The following P2RY2 variants were observed in gnomAD, a reference collection of about 807,000 sequenced individuals.
The protein encoded by P2RY2 is purinergic receptor P2Y2, also known as P2Y purinoceptor 2.
For synonymous variants in P2RY2, 241 were observed against 231.9 expected (o/e 1.04, Z -0.35); for missense variants, 567 against 515.7 (o/e 1.10, Z -0.96).
Position 73,235,509 on chromosome 11 carries a change from G to A in P2RY2, c.*216G>A, listed in dbSNP as rs769641333. 3.0e-5 allele frequency: 39 copies of A among 1,286,894 alleles called. No individual in the cohort carries two copies. The highest frequency in any genetic ancestry group is 2.7e-4 in the Admixed American group (7 of 25,942). The allele number at this position is 1,286,894 out of a possible 1,614,324, so 79.7% of individuals were successfully genotyped here. On this transcript the variant is annotated 3_prime_UTR_variant, in exon 3 of 3. Coordinates refer to ENST00000393597, the MANE Select transcript of P2RY2 (RefSeq NM_002564.4). ...GTCATCGTTTGTGTGTATAAGTTGG[G>A]GGAATTAAGTTTCAAGAAAGGCAAG...
Position 73,235,045 on chromosome 11 carries a change from AGTGCTAACAGTTGCCTTGACCCC to A in P2RY2, c.892_914del (p.Asn298LeufsTer40), listed in dbSNP as rs748154982. 1.2e-6 allele frequency: 2 copies of A among 1,608,082 alleles called. No homozygotes were observed. The highest frequency in any genetic ancestry group is 1.7e-6 in the Non-Finnish European group (2 of 1,179,950). ...CTACAAGGTTACCCGGCCGCTGGCC[AGTGCTAACAGTTGCCTTGACCCC>A]GTGCTCTACTTCCTGGCTGGGCAGA... On this transcript the variant is annotated frameshift_variant, in exon 3 of 3. Transcript: ENST00000393597. LOFTEE classifies it low-confidence loss of function (END_TRUNC).
chr11:73,229,609 A>G lies in P2RY2; in HGVS notation c.-5+1434A>G, dbSNP rs187878466. ...GGAGGGGTGAGTCTGGCCCAGGGCC[A>G]CGGCGATGGAGTCCCCAGCTGGCCT... On this transcript the variant is annotated intron_variant, in intron 2 of 2. Coordinates refer to ENST00000393597, the MANE Select transcript of P2RY2 (RefSeq NM_002564.4). 6.2e-3 allele frequency among the ~76,000 whole-genome samples: 950 copies of G among 152,166 alleles called. 7 individuals carry two copies. Among genetic ancestry groups the G allele is most frequent in the African/African-American group, 0.022 (906 of 41,518 alleles).
chr11:73,234,806 T>C lies in P2RY2; in HGVS notation c.647T>C (p.Val216Ala), dbSNP rs371526662. ...GCGGTGCCCTTTGCCGTCATCCTTG[T>C]CTGTTACGTGCTCATGGCTCGGCGA... ...LFAVPFAVILVCYVLMARRLL... is the reference protein window; with the variant it reads ...LFAVPFAVILACYVLMARRLL... Residue 216 changes from valine (V) to alanine (A), a missense_variant, in exon 3 of 3, where the codon GTC becomes GCC. Val to Ala is a moderately conservative substitution (Grantham distance 64). Coordinates refer to ENST00000393597, the MANE Select transcript of P2RY2 (RefSeq NM_002564.4). 28 of 1,611,872 alleles carry C rather than the reference T, an allele frequency of 1.7e-5. No individual in the cohort carries two copies. Among genetic ancestry groups the C allele is most frequent in the Non-Finnish European group, 2.3e-5 (27 of 1,179,988 alleles).
Position 73,229,644 on chromosome 11 carries a change from G to A in P2RY2, c.-5+1469G>A, listed in dbSNP as rs193159228. ...AGTCCCCAGCTGGCCTGGGAGGGTG[G>A]GGGCCAGGGTGTCTTAAAACAGGCG... is the stretch of plus-strand genomic sequence containing the variant. On this transcript the variant is annotated intron_variant, in intron 2 of 2. Transcript: ENST00000393597. 4.0e-4 allele frequency among the ~76,000 whole-genome samples: 61 copies of A among 152,212 alleles called. No homozygotes were observed. The East Asian group carries it at 0.011, about 28-fold the overall frequency.
rs747426827 is a variant in P2RY2, at chr11:73,234,939, A to T, written c.780A>T (p.Pro260=). 1 of 1,611,052 alleles carries T rather than the reference A, an allele frequency of 6.2e-7. No homozygotes were observed. Among genetic ancestry groups the T allele is most frequent in the Admixed American group, 1.7e-5 (1 of 60,032 alleles). Residue 260 remains proline (P), a synonymous_variant, in exon 3 of 3, where the codon CCA becomes CCT. Coordinates refer to ENST00000393597, the MANE Select transcript of P2RY2 (RefSeq NM_002564.4). ...CTGTCTTCGCCCTCTGCTTCCTGCC[A>T]TTCCACGTCACCCGCACCCTCTACT... The part of the protein sequence containing the change: ...VLAVFALCFL[P]FHVTRTLYYS...
intron 1 of P2RY2, among the ~76,000 whole-genome samples, chr11:73,219,186 C>T (rs752636496): frequency 2.0e-5 from 3 of 152,184 alleles, no homozygotes; most frequent in Non-Finnish European, 4.4e-5. Context: ...GCATGGCATC[C>T]CCAGCTTCCC....
chr11:73,234,363 C>T lies in P2RY2; in HGVS notation c.204C>T (p.Ser68=). ...FLCRLKTWNA[S]TTYMFHLAVS... ...GCCGCCTCAAGACCTGGAATGCGTCCACCACATATATGTTCCACCTGGCTG... is the reference window on the plus strand; with the variant it reads ...GCCGCCTCAAGACCTGGAATGCGTCTACCACATATATGTTCCACCTGGCTG... The change falls in exon 3 of 3, where the codon TCC becomes TCT. Residue 68 remains serine (S), a synonymous_variant. Coordinates refer to ENST00000393597, the MANE Select transcript of P2RY2 (RefSeq NM_002564.4). 2 of 1,614,226 alleles carry T rather than the reference C, an allele frequency of 1.2e-6. No homozygotes were observed. The highest frequency in any genetic ancestry group is 1.1e-5 in the South Asian group (1 of 91,088).
chr11:73,225,043 G>A (rs1231390484), intron 1 of P2RY2, among the ~76,000 whole-genome samples: 1 of 152,186 alleles, frequency 6.6e-6, no homozygotes, highest in African/African-American at 2.4e-5. Flanking sequence ...TGAGGTTCTG[G>A]CACTAGGTCC....
Position 73,235,346 on chromosome 11 carries a change from A to G in P2RY2, c.*53A>G, listed in dbSNP as rs2135648838. The G allele has an allele frequency of 6.6e-7, 1 of 1,512,734 alleles. No individual in the cohort carries two copies. Among genetic ancestry groups the G allele is most frequent in the Non-Finnish European group, 8.8e-7 (1 of 1,130,594 alleles). The allele number at this position is 1,512,734 out of a possible 1,614,324, so 93.7% of individuals were successfully genotyped here. Reference sequence around the variant, plus strand: ...TTATATTGGGAAGCTGTAGAGGACCAGGACTTGTGCAGACGCCACAGTCTC... The same window carrying G: ...TTATATTGGGAAGCTGTAGAGGACCGGGACTTGTGCAGACGCCACAGTCTC... On this transcript the variant is annotated 3_prime_UTR_variant, in exon 3 of 3. Coordinates refer to ENST00000393597, the MANE Select transcript of P2RY2 (RefSeq NM_002564.4).
chr11:73,221,751 T>G (rs1862122594), intron 1 of P2RY2, among the ~76,000 whole-genome samples: 1 of 152,168 alleles, frequency 6.6e-6, no homozygotes, highest in African/African-American at 2.4e-5. Context: ...AGGAGGAGGC[T>G]GGCTGTGTGG....
intron 1 of P2RY2, among the ~76,000 whole-genome samples, chr11:73,227,738 C>T (rs1386998344): frequency 1.3e-5 from 2 of 152,158 alleles, no homozygotes; most frequent in African/African-American, 4.8e-5. Context: ...GACCTTCCTC[C>T]AGGCAGGGCC....
Position 73,237,017 on chromosome 11 carries a change from C to T in P2RY2, c.*1724C>T, listed in dbSNP as rs1241775554. The stretch of plus-strand genomic sequence containing the variant: ...GCCCACTCTGCCTGCCCCCTCTGAC[C>T]TCTCCACCCTTCCCACTCTGCCTTG... On this transcript the variant is annotated 3_prime_UTR_variant, in exon 3 of 3. Transcript: ENST00000393597. 3 of 985,234 alleles carry T rather than the reference C, an allele frequency of 3.0e-6. No homozygotes were observed. Among genetic ancestry groups the T allele is most frequent in the Non-Finnish European group, 3.6e-6 (3 of 829,908 alleles). The allele number at this position is 985,234 out of a possible 1,614,324, so 61.0% of individuals were successfully genotyped here.
chr11:73,235,701 T>C lies in P2RY2; in HGVS notation c.*408T>C. The C allele has an allele frequency of 9.9e-7, 1 of 1,009,038 alleles. No individual in the cohort carries two copies. The highest frequency in any genetic ancestry group is 1.7e-5 in the African/African-American group (1 of 57,638). The allele number at this position is 1,009,038 out of a possible 1,614,324, so 62.5% of individuals were successfully genotyped here. A position where few individuals can be genotyped will look rare whatever the true frequency, so the allele number is the denominator to read the frequency against. On this transcript the variant is annotated 3_prime_UTR_variant, in exon 3 of 3. Transcript: ENST00000393597. ...TACCAGAGTCTGGAGCTGAGCTACC[T>C]GGGGTGGGGGCCAAGTCACAGGTTG...
At position 73,234,354 on chromosome 11, in the gene P2RY2, G is replaced by A. The variant is rs759448104; in HGVS notation, c.195G>A (p.Trp65Ter). Residue 65 changes from tryptophan to a stop codon, truncating the protein, a stop_gained, in exon 3 of 3, where the codon TGG (tryptophan) becomes TGA (stop). Transcript: ENST00000393597. LOFTEE classifies it low-confidence loss of function (END_TRUNC). Reference protein sequence around the residue: ...LYIFLCRLKTWNASTTYMFHL... With the variant: ...LYIFLCRLKT ...TCTTCTTGTGCCGCCTCAAGACCTG[G>A]AATGCGTCCACCACATATATGTTCC... The A allele has an allele frequency of 1.2e-6, 2 of 1,614,242 alleles. No individual in the cohort carries two copies. The highest frequency in any genetic ancestry group is 1.7e-6 in the Non-Finnish European group (2 of 1,180,040).
Position 73,237,415 on chromosome 11 carries a change from T to G in P2RY2, c.*2122T>G, listed in dbSNP as rs1862680741. Among the ~76,000 whole-genome samples the G allele has an allele frequency of 6.6e-6, 1 of 152,078 alleles. No homozygotes were observed. The highest frequency in any genetic ancestry group is 1.5e-5 in the Non-Finnish European group (1 of 68,014). On this transcript the variant is annotated 3_prime_UTR_variant, in exon 3 of 3. Coordinates refer to ENST00000393597, the MANE Select transcript of P2RY2 (RefSeq NM_002564.4). ...GGTATGCGCCACCACACCTGGCTAATTTTTGTATTTTTAATAGAGACAGGG... is the reference window on the plus strand; with the variant it reads ...GGTATGCGCCACCACACCTGGCTAAGTTTTGTATTTTTAATAGAGACAGGG...
Position 73,234,543 on chromosome 11 carries a change from C to G in P2RY2, c.384C>G (p.Ser128Arg), listed in dbSNP as rs755037985. ...YCSILFLTCI[S>R]VHRCLGVLRP... Reference sequence around the variant, plus strand: ...GCATCCTCTTCCTCACCTGCATCAGCGTGCACCGGTGTCTGGGCGTCTTAC... The same window carrying G: ...GCATCCTCTTCCTCACCTGCATCAGGGTGCACCGGTGTCTGGGCGTCTTAC... The change falls in exon 3 of 3, where the codon AGC becomes AGG. Residue 128 changes from serine (S) to arginine (R), a missense_variant. Coordinates refer to ENST00000393597, the MANE Select transcript of P2RY2 (RefSeq NM_002564.4). 3 of 1,602,632 alleles carry G rather than the reference C, an allele frequency of 1.9e-6. No homozygotes were observed. Among genetic ancestry groups the G allele is most frequent in the Admixed American group, 1.7e-5 (1 of 59,358 alleles).
In P2RY2 at chr11:73,236,893, T is replaced by C. The variant is rs1319969490; in HGVS notation, c.*1600T>C. ...CGCTCAGCTGGACAGGGCCCCGCCC[T>C]AGCCTTTGGAAAGGGACAGGGCAAA... On this transcript the variant is annotated 3_prime_UTR_variant, in exon 3 of 3. Transcript: ENST00000393597. 6 of 984,996 alleles carry C rather than the reference T, an allele frequency of 6.1e-6. No homozygotes were observed. Among genetic ancestry groups the C allele is most frequent in the Non-Finnish European group, 7.2e-6 (6 of 829,766 alleles). 61.0% of individuals were successfully genotyped at this position (984,996 alleles called of 1,614,324 possible). A position where few individuals can be genotyped will look rare whatever the true frequency, so the allele number is the denominator to read the frequency against.
At chr11:73,227,074 C>A (rs1389747501) in intron 1 of P2RY2, among the ~76,000 whole-genome samples, 1 of 152,120 alleles carries the variant, frequency 6.6e-6, no homozygotes, top group Non-Finnish European at 1.5e-5. Context: ...TGTTATCCCT[C>A]CCCTAGCCCC....
At chr11:73,234,097 G>C in intron 2 of P2RY2, 59 bp from the exon 3 acceptor site, 1 of 1,526,346 alleles carries the variant, frequency 6.6e-7, no homozygotes, top group Non-Finnish European at 8.8e-7. Context: ...GGCTGTGTCA[G>C]GTCCCCTAGG....
Sources: gnomAD v4.1 joint callset for allele counts (sites outside exome capture counted in the v4.1 genomes callset) on GRCh38, gnomAD v4.1.1 for gene constraint, MANE v1.5 for transcripts, NCBI Gene and HGNC (gene_info 2026-07-23, HGNC 2026-07-21) for gene names.